Variants in CYP2A7 observed in about 807,000 individuals in gnomAD.
CYP2A7 encodes the protein cytochrome P450 2A7.
CYP2A7 carries 36 observed loss-of-function variants against 42.0 expected under a neutral mutation model. The observed-to-expected ratio is 0.86, with a 90% CI of 0.66 to 1.13. The LOEUF (loss-of-function observed/expected upper bound fraction) is 1.13. CYP2A7 is among the 50% of genes most tolerant of loss of function. CYP2A7 has a pLI of 0.00. For missense variants in CYP2A7, 661 were observed against 634.1 expected (o/e 1.04, Z -0.46); for synonymous variants, 260 against 249.5 (o/e 1.04, Z -0.40).
intron 7 of CYP2A7, 29 bp from the exon 8 acceptor site, chr19:40,876,697 T>A (rs769355926): frequency 6.3e-7 from 1 of 1,594,312 alleles, no homozygotes; most frequent in Non-Finnish European, 8.6e-7. Context: ...TTGTGTGTGA[T>A]GAGGAGGGTC....
Position 40,880,116 on chromosome 19 carries a change from T to C in CYP2A7, c.622A>G (p.Ile208Val). The C allele has an allele frequency of 6.2e-7, 1 of 1,612,924 alleles. No individual in the cohort carries two copies. The highest frequency in any genetic ancestry group is 8.5e-7 in the Non-Finnish European group (1 of 1,179,234). The stretch of plus-strand genomic sequence containing the variant: ...GTGGAGGTTGACGTGAACTGGAAGA[T>C]TCCTAGCATCATGCTCAGCAGTGAC... ...FLSLLSMMLG[I>V]FQFTSTSTGQ... is the part of the protein sequence containing the mutation. Residue 208 changes from isoleucine to valine, a missense_variant, in exon 4 of 9, where the codon ATC (isoleucine) becomes GTC (valine). Coordinates refer to ENST00000301146, the MANE Select transcript of CYP2A7 (RefSeq NM_000764.3).
chr19:40,880,234 G>A lies in CYP2A7; in HGVS notation c.504C>T (p.Ile168=), dbSNP rs775078619. ...TGCGGCTCAGGAAGAAGGTGGGATC[G>A]ATATTGGCGCCTGCGGGTGTGGAGG... ...EAIRSTHGAN[I]DPTFFLSRTV... The change falls in exon 4 of 9, where the codon ATC becomes ATT. Residue 168 remains isoleucine (I), a synonymous_variant. Coordinates refer to ENST00000301146, the MANE Select transcript of CYP2A7 (RefSeq NM_000764.3). 2.5e-6 allele frequency: 4 copies of A among 1,612,590 alleles called. No homozygotes were observed. Among genetic ancestry groups the A allele is most frequent in the Non-Finnish European group, 3.4e-6 (4 of 1,179,152 alleles).
chr19:40,878,968 G>A (rs1442260595), intron 4 of CYP2A7, 32 bp from the exon 5 acceptor site: 2 of 1,591,034 alleles, frequency 1.3e-6, no homozygotes, highest in Non-Finnish European at 1.7e-6. Flanking sequence ...GGGAAGGGAA[G>A]GACAGCTGTC....
rs190882898 is a variant in CYP2A7, at chr19:40,876,941, G to C, written c.1161+249C>G. 1.8e-4 allele frequency: 113 copies of C among 644,674 alleles called. No individual in the cohort carries two copies. The African/African-American group carries it at 1.8e-3, about 10-fold the overall frequency. The allele number at this position is 644,674 out of a possible 1,614,324, so 39.9% of individuals were successfully genotyped here. A position where few individuals can be genotyped will look rare whatever the true frequency, so the allele number is the denominator to read the frequency against. ...AGACAAAAGGCCTAATGGAAAGGGGGCTTCTGTTTCTTAAGATAGGAAGTT... is the reference window on the plus strand; with the variant it reads ...AGACAAAAGGCCTAATGGAAAGGGGCCTTCTGTTTCTTAAGATAGGAAGTT... On this transcript the variant is annotated intron_variant, in intron 7 of 8. Coordinates refer to ENST00000301146, the MANE Select transcript of CYP2A7 (RefSeq NM_000764.3).
At chr19:40,881,402 G>A (rs1242977030) in intron 2 of CYP2A7, among the ~76,000 whole-genome samples, 187 bp downstream of exon 2, 3 of 151,586 alleles carry the variant, frequency 2.0e-5, no homozygotes, top group Non-Finnish European at 3.0e-5. Context: ...GAGGAATCAC[G>A]ACAGGGACGC....
Position 40,877,928 on chromosome 19 carries a change from G to A in CYP2A7, c.897C>T (p.Phe299=), listed in dbSNP as rs1189712255. The A allele has an allele frequency of 1.2e-6, 2 of 1,612,710 alleles. No homozygotes were observed. The highest frequency in any genetic ancestry group is 1.7e-5 in the Admixed American group (1 of 59,826). The change falls in exon 6 of 9, where the codon TTC becomes TTT. Residue 299 remains phenylalanine (F), a synonymous_variant. Transcript: ENST00000301146. ...KNLMMSTLNL[F]IAGTETVSTT... ...TGCTGACCGTCTCGGTGCCTGCAAT[G>A]AAGAGGTTCAACGTGCTCATCATCA...
intron 4 of CYP2A7, among the ~76,000 whole-genome samples, chr19:40,879,282 G>A (rs544511938): frequency 6.6e-6 from 1 of 151,686 alleles, no homozygotes; most frequent in Non-Finnish European, 1.5e-5. Flanking sequence ...GGTGGGGCTG[G>A]TATGAGGTGA....
rs145739973 is a variant in CYP2A7, at chr19:40,878,936, G to T, written c.655C>A (p.Leu219Ile). 1.5e-5 allele frequency: 24 copies of T among 1,606,732 alleles called. No individual in the cohort carries two copies. In the African/African-American group the frequency reaches 3.1e-4, roughly 21 times the overall value. ...ATCACCGAAGAGAACATCTCATAGAGCTGGGGTTGCAGAGAGAGGATGGGA... is the reference window on the plus strand; with the variant it reads ...ATCACCGAAGAGAACATCTCATAGATCTGGGGTTGCAGAGAGAGGATGGGA... Reference protein sequence around the residue: ...FQFTSTSTGQLYEMFSSVMKH... With the variant: ...FQFTSTSTGQIYEMFSSVMKH... The change falls in exon 5 of 9, where the codon CTC (leucine) becomes ATC (isoleucine). Residue 219 changes from leucine to isoleucine, a missense_variant and splice_region_variant. By Grantham distance (5) the Leu-to-Ile change is conservative (BLOSUM62 2). Transcript: ENST00000301146.
Position 40,875,672 on chromosome 19 carries a change from C to T in CYP2A7, c.*21G>A. The T allele has an allele frequency of 6.2e-7, 1 of 1,611,368 alleles. No homozygotes were observed. Among genetic ancestry groups the T allele is most frequent in the African/African-American group, 1.3e-5 (1 of 74,924 alleles). ...CTTTCCCTGGCCCCGCCCACCAGAC[C>T]TGCACCGGCACAGCCCTCGCTCAGC... is the stretch of plus-strand genomic sequence containing the variant. On this transcript the variant is annotated 3_prime_UTR_variant, in exon 9 of 9. Transcript: ENST00000301146.
chr19:40,878,104 G>A, intron 5 of CYP2A7, 111 bp from the exon 6 acceptor site: 2 of 1,277,226 alleles, frequency 1.6e-6, no homozygotes, highest in South Asian at 3.1e-5. Flanking sequence ...GGTGGAAAGA[G>A]GGACCCTAGA....
At chr19:40,877,161 C>G (rs367692191) in intron 7 of CYP2A7, 29 bp downstream of exon 7, 7 of 1,607,290 alleles carry the variant, frequency 4.4e-6, no homozygotes, top group Admixed American at 3.4e-5. Flanking sequence ...TGGAAGTCCC[C>G]GTAGTCTAGG....
chr19:40,878,179 T>C (rs2909906), intron 5 of CYP2A7, among the ~76,000 whole-genome samples, 186 bp from the exon 6 acceptor site: 116,222 of 151,192 alleles, frequency 0.77, 45,219 homozygotes, highest in African/African-American at 0.81. Flanking sequence ...AAATGCTCTT[T>C]CTTCTCACCT....
Position 40,882,016 on chromosome 19 carries a change from C to A in CYP2A7, c.180+15G>T, listed in dbSNP as rs1417540809. 1.2e-6 allele frequency: 2 copies of A among 1,607,632 alleles called. No individual in the cohort carries two copies. Among genetic ancestry groups the A allele is most frequent in the Admixed American group, 1.7e-5 (1 of 59,778 alleles). On this transcript the variant is annotated intron_variant, in intron 1 of 8. Coordinates refer to ENST00000301146, the MANE Select transcript of CYP2A7 (RefSeq NM_000764.3). Reference sequence around the variant, plus strand: ...GCCCCCACCCTGTGCCACCCATCTTCCTGCCTTGGGACACCTTCATGATGG... The same window carrying A: ...GCCCCCACCCTGTGCCACCCATCTTACTGCCTTGGGACACCTTCATGATGG...
intron 7 of CYP2A7, among the ~76,000 whole-genome samples, chr19:40,876,910 T>C (rs926240226): frequency 1.3e-5 from 2 of 151,658 alleles, no homozygotes; most frequent in Admixed American, 6.6e-5. Context: ...GAAATTTGTG[T>C]CCCTAAGACA....
At position 40,877,202 on chromosome 19, in the gene CYP2A7, A is replaced by G. The variant is rs763108796; in HGVS notation, c.1149T>C (p.Phe383=). Residue 383 remains phenylalanine (F), a synonymous_variant, in exon 7 of 9, where the codon TTT becomes TTC. Transcript: ENST00000301146. ...RVKKDTKFRD[F]FLPKGTEVFP... ...GGGAGGATAGCACCTTAGGGAGGAA[A>G]AAATCCCGAAACTTGGTGTCCTTTT... 1.8e-5 allele frequency: 29 copies of G among 1,612,612 alleles called. No individual in the cohort carries two copies. The East Asian group carries it at 2.9e-4, about 16-fold the overall frequency.
At chr19:40,878,586 C>G (rs550188456) in intron 5 of CYP2A7, among the ~76,000 whole-genome samples, 174 bp downstream of exon 5, 1 of 151,764 alleles carries the variant, frequency 6.6e-6, no homozygotes, top group Non-Finnish European at 1.5e-5. Context: ...CCACCTGCCT[C>G]GGCCTCCCAA....
intron 3 of CYP2A7, 27 bp downstream of exon 3, chr19:40,880,452 C>T (rs755152639): frequency 1.9e-6 from 3 of 1,606,314 alleles, no homozygotes; most frequent in Non-Finnish European, 1.7e-6. Context: ...CCTTCTCCTG[C>T]CCCCGCACTC....
intron 8 of CYP2A7, among the ~76,000 whole-genome samples, chr19:40,876,163 A>G (rs760896413): frequency 1.3e-5 from 2 of 151,886 alleles, no homozygotes; most frequent in East Asian, 3.8e-4. Flanking sequence ...ATAATGTCAC[A>G]CATCCATCAT....
chr19:40,876,568 C>T lies in CYP2A7; in HGVS notation c.1262G>A (p.Gly421Glu), dbSNP rs1298308725. The T allele has an allele frequency of 2.5e-6, 4 of 1,612,986 alleles. No individual in the cohort carries two copies. Among genetic ancestry groups the T allele is most frequent in the Non-Finnish European group, 3.4e-6 (4 of 1,179,294 alleles). ...AAAAGCATCACTCTTCTTAAACTGC[C>T]CCTTGTCATCCAGGAAATGCTGGGG... ...FNPQHFLDDK[G>E]QFKKSDAFVP... The change falls in exon 8 of 9, where the codon GGG becomes GAG. Residue 421 changes from glycine (G) to glutamate (E), a missense_variant. Coordinates refer to ENST00000301146, the MANE Select transcript of CYP2A7 (RefSeq NM_000764.3).
Sources: gnomAD v4.1 joint callset for allele counts (sites outside exome capture counted in the v4.1 genomes callset) on GRCh38, gnomAD v4.1.1 for gene constraint, MANE v1.5 for transcripts, NCBI Gene and HGNC (gene_info 2026-07-23, HGNC 2026-07-21) for gene names.